The following SSBP2 variants were observed in gnomAD, a reference collection of about 807,000 sequenced individuals.
SSBP2 encodes the protein single-stranded DNA-binding protein 2.
SSBP2 carries 17 observed loss-of-function variants against 61.8 expected under a neutral mutation model. The observed-to-expected ratio is 0.28, with a 90% CI of 0.19 to 0.41. SSBP2 has a LOEUF of 0.41. Ranked by LOEUF, SSBP2 falls within the 10% of genes least tolerant of loss-of-function variation. The pLI is 1.00. For missense variants in SSBP2, 310 were observed against 458.7 expected (o/e 0.68, Z 2.96); for synonymous variants, 139 against 141.3 (o/e 0.98, Z 0.12).
chr5:81,541,290 A>G (rs1425958745), intron 4 of SSBP2, among the ~76,000 whole-genome samples: 2 of 152,186 alleles, frequency 1.3e-5, no homozygotes, highest in Non-Finnish European at 2.9e-5. Context: ...AAATGTAAAA[A>G]CATCTCATGC....
intron 16 of SSBP2, among the ~76,000 whole-genome samples, chr5:81,423,086 A>C (rs1761711467): frequency 6.6e-6 from 1 of 152,264 alleles, no homozygotes; most frequent in African/African-American, 2.4e-5. Context: ...AGAGTAGAAA[A>C]AATCAGAGAA....
intron 4 of SSBP2, among the ~76,000 whole-genome samples, chr5:81,574,755 A>C (rs1774079644): frequency 6.6e-6 from 1 of 152,220 alleles, no homozygotes; most frequent in African/African-American, 2.4e-5. Context: ...AAATAGAAAC[A>C]GCAAAAGCCG....
chr5:81,746,397 A>G (rs997894838), intron 1 of SSBP2, among the ~76,000 whole-genome samples: 1 of 152,120 alleles, frequency 6.6e-6, no homozygotes, highest in Non-Finnish European at 1.5e-5. Flanking sequence ...TTAGTTTTGG[A>G]AATCCTGAAT....
At chr5:81,630,628 T>C (rs1747614786) in intron 3 of SSBP2, among the ~76,000 whole-genome samples, 3 of 152,022 alleles carry the variant, frequency 2.0e-5, no homozygotes, top group Admixed American at 1.3e-4. Context: ...TTATTTGGTA[T>C]CTACAGCTGA....
Position 81,472,614 on chromosome 5 carries a change from T to C in SSBP2, c.570+1086A>G, listed in dbSNP as rs1765322531. On this transcript the variant is annotated intron_variant, in intron 8 of 16. Transcript: ENST00000320672. ...TTTTATTTATTTATTTATTATTTTT[T>C]TGAGACGGAGTTTTTGCTATTGTTC... 2.0e-5 allele frequency among the ~76,000 whole-genome samples: 3 copies of C among 152,330 alleles called. No homozygotes were observed. In the South Asian group the frequency reaches 6.2e-4, roughly 32 times the overall value.
chr5:81,520,480 A>T (rs1181108765), intron 4 of SSBP2, among the ~76,000 whole-genome samples: 1 of 152,180 alleles, frequency 6.6e-6, no homozygotes, highest in East Asian at 1.9e-4. Context: ...TTACGAAAAA[A>T]ATGAGAATAC....
At chr5:81,627,280 T>C (rs1270367808) in intron 3 of SSBP2, among the ~76,000 whole-genome samples, 1 of 152,164 alleles carries the variant, frequency 6.6e-6, no homozygotes, top group South Asian at 2.1e-4. Context: ...TTGTTCTCTA[T>C]GGCCTATGTT....
At chr5:81,521,519 C>CA (rs34895069) in intron 4 of SSBP2, among the ~76,000 whole-genome samples, 63,431 of 151,816 alleles carry the variant, frequency 0.42, 15,511 homozygotes, top group African/African-American at 0.69. Flanking sequence ...TGACACTCAT[C>CA]AAACTATAGT....
intron 2 of SSBP2, among the ~76,000 whole-genome samples, chr5:81,641,708 T>C (rs961794487): frequency 6.6e-6 from 1 of 152,154 alleles, no homozygotes; most frequent in African/African-American, 2.4e-5. Context: ...CACTGTAGTA[T>C]TGTTAGAAAA....
In SSBP2 at chr5:81,439,254, C is replaced by T. The variant is rs575911089; in HGVS notation, c.928+1304G>A. On this transcript the variant is annotated intron_variant, in intron 14 of 16. Coordinates refer to ENST00000320672, the MANE Select transcript of SSBP2 (RefSeq NM_012446.5). ...CAAAAGAAAAAAAAAATCATAACTCCCATCCCCATTGTCAACTTTTAAATT... is the reference window on the plus strand; with the variant it reads ...CAAAAGAAAAAAAAAATCATAACTCTCATCCCCATTGTCAACTTTTAAATT... Among the ~76,000 whole-genome samples, 9 of 152,116 alleles carry T rather than the reference C, an allele frequency of 5.9e-5. No individual in the cohort carries two copies. The South Asian group carries it at 1.9e-3, about 32-fold the overall frequency.
intron 4 of SSBP2, among the ~76,000 whole-genome samples, chr5:81,535,564 G>C (rs1220458432): frequency 6.6e-6 from 1 of 151,992 alleles, no homozygotes; most frequent in Non-Finnish European, 1.5e-5. Flanking sequence ...TAGACAAATA[G>C]GTCAATGGAA....
intron 1 of SSBP2, among the ~76,000 whole-genome samples, chr5:81,688,799 C>T (rs1319359215): frequency 1.3e-5 from 2 of 152,122 alleles, no homozygotes; most frequent in Non-Finnish European, 2.9e-5. Flanking sequence ...ATGCCTAACT[C>T]TTCAATGCTC....
At chr5:81,688,864 A>G (rs1190773216) in intron 1 of SSBP2, among the ~76,000 whole-genome samples, 1 of 152,166 alleles carries the variant, frequency 6.6e-6, no homozygotes, top group Non-Finnish European at 1.5e-5. Flanking sequence ...CACAACCTCA[A>G]TAAACAAACT....
intron 4 of SSBP2, among the ~76,000 whole-genome samples, chr5:81,595,581 A>C (rs1222970552): frequency 6.6e-6 from 1 of 152,236 alleles, no homozygotes; most frequent in Non-Finnish European, 1.5e-5. Flanking sequence ...ACACTGATGC[A>C]AAAATCCTCA....
intron 5 of SSBP2, among the ~76,000 whole-genome samples, chr5:81,511,318 G>A (rs887507952): frequency 1.3e-5 from 2 of 152,014 alleles, no homozygotes; most frequent in African/African-American, 4.8e-5. Context: ...GGCTTCTCGA[G>A]GGCAGGGATT....
intron 1 of SSBP2, among the ~76,000 whole-genome samples, chr5:81,655,750 C>T (rs1324466535): frequency 6.6e-6 from 1 of 152,146 alleles, no homozygotes; most frequent in South Asian, 2.1e-4. Flanking sequence ...GACTCACTGT[C>T]CCTCAACTAC....
intron 15 of SSBP2, among the ~76,000 whole-genome samples, chr5:81,436,089 GA>G (rs1385069600): frequency 6.7e-6 from 1 of 149,796 alleles, no homozygotes; most frequent in African/African-American, 2.5e-5. Context: ...TCAGGAGGCT[GA>G]GATAGGAGAA....
chr5:81,658,535 A>G (rs766166720), intron 1 of SSBP2, among the ~76,000 whole-genome samples: 2 of 150,730 alleles, frequency 1.3e-5, no homozygotes, highest in African/African-American at 2.5e-5. Context: ...AATGCTATAC[A>G]GTTATACTTT....
intron 1 of SSBP2, among the ~76,000 whole-genome samples, chr5:81,704,774 T>C (rs374700): frequency 0.77 from 107,131 of 139,568 alleles, 41,784 homozygotes; most frequent in Middle Eastern, 0.92. Flanking sequence ...CCAGCCTGGG[T>C]GACGGGGAAT....
Sources: allele counts gnomAD v4.1 joint callset (sites outside exome capture counted in the v4.1 genomes callset), GRCh38; gene constraint gnomAD v4.1.1; transcripts MANE v1.5; gene names NCBI Gene and HGNC (gene_info 2026-07-23, HGNC 2026-07-21).